The following GRB10 variants were observed in gnomAD, a reference collection of about 807,000 sequenced individuals.
GRB10 encodes the protein growth factor receptor bound protein 10.
In GRB10, 20 loss-of-function variants were observed where a neutral mutation model predicts 80.9. That is an observed-to-expected ratio of 0.25 (90% CI 0.17 to 0.36). The LOEUF (loss-of-function observed/expected upper bound fraction) is 0.36, where lower values mean the gene tolerates loss of function less well. Among genes scored for constraint, GRB10 ranks in the 10% least tolerant of loss-of-function variants. The probability of loss-of-function intolerance (pLI) is 1.00; values close to 1 mark genes in which losing one functional copy is unlikely to be tolerated. For synonymous variants in GRB10, 291 were observed against 291.5 expected, an observed-to-expected ratio of 1.00 and a Z score of 0.02; for missense variants, 548 against 747.7, an observed-to-expected ratio of 0.73 and a Z score of 3.12.
intron 7 of GRB10, among the ~76,000 whole-genome samples, chr7:50,646,161 T>C (rs937776114): frequency 6.6e-6 from 1 of 152,236 alleles, no homozygotes; most frequent in African/African-American, 2.4e-5. Context: ...AAAGTAAGCT[T>C]ATGTGCCATT....
Position 50,718,802 on chromosome 7 carries a change from G to A in GRB10, c.51+13470C>T, listed in dbSNP as rs147389935. Among the ~76,000 whole-genome samples, 1,341 of 152,232 alleles carry A rather than the reference G, an allele frequency of 8.8e-3. 19 individuals carry two copies. Among genetic ancestry groups the A allele is most frequent in the African/African-American group, 0.031 (1,276 of 41,516 alleles). On this transcript the variant is annotated intron_variant, in intron 4 of 18. Transcript: ENST00000401949. ...ATTCACAGCTCTCAGGGTCAAGAGC[G>A]CTTAAGCAGCAAGAGGGGTCCTGCA...
intron 17 of GRB10, among the ~76,000 whole-genome samples, chr7:50,601,121 G>T (rs559467119): frequency 6.6e-6 from 1 of 152,244 alleles, no homozygotes; most frequent in African/African-American, 2.4e-5. Context: ...CGGGAACTGC[G>T]CAGCGCAGTA....
At chr7:50,760,428 A>G (rs1180086917) in intron 2 of GRB10, among the ~76,000 whole-genome samples, 1 of 152,256 alleles carries the variant, frequency 6.6e-6, no homozygotes, top group Non-Finnish European at 1.5e-5. Context: ...CATCATAAGG[A>G]TTAATTCTCT....
At chr7:50,681,986 A>C (rs2061594200) in intron 5 of GRB10, among the ~76,000 whole-genome samples, 1 of 152,210 alleles carries the variant, frequency 6.6e-6, no homozygotes, top group Non-Finnish European at 1.5e-5. Flanking sequence ...TGAGTGTGTC[A>C]GGTGATCCTT....
intron 7 of GRB10, among the ~76,000 whole-genome samples, chr7:50,642,515 C>T (rs959952684): frequency 3.3e-5 from 5 of 152,038 alleles, no homozygotes; most frequent in African/African-American, 1.2e-4. Flanking sequence ...TATACACATA[C>T]ATATAGGTCG....
chr7:50,641,625 A>G lies in GRB10; in HGVS notation c.505-14647T>C, dbSNP rs189518192. On this transcript the variant is annotated intron_variant, in intron 7 of 18. Coordinates refer to ENST00000401949, the MANE Select transcript of GRB10 (RefSeq NM_001350814.2). Reference sequence around the variant, plus strand: ...GGCTGCAGCCACTCATGGTCCCTGCAGCTGTGCAAAGTTGGGAGGGGTGGA... The same window carrying G: ...GGCTGCAGCCACTCATGGTCCCTGCGGCTGTGCAAAGTTGGGAGGGGTGGA... Among the ~76,000 whole-genome samples the G allele has an allele frequency of 3.2e-3, 495 of 152,350 alleles. 1 individual carries two copies. Among genetic ancestry groups the G allele is most frequent in the Admixed American group, 3.5e-3 (53 of 15,306 alleles).
intron 2 of GRB10, among the ~76,000 whole-genome samples, chr7:50,756,721 G>A (rs765169689): frequency 3.9e-5 from 6 of 152,174 alleles, no homozygotes; most frequent in Admixed American, 6.5e-5. Flanking sequence ...AACCCCTACC[G>A]GAGGAGACTT....
At chr7:50,734,383 G>A (rs2070421428) in intron 3 of GRB10, among the ~76,000 whole-genome samples, 1 of 152,156 alleles carries the variant, frequency 6.6e-6, no homozygotes, top group South Asian at 2.1e-4. Flanking sequence ...CTGAGGGCCT[G>A]GGAGAGGAAG....
chr7:50,683,205 G>A (rs1398307258), intron 5 of GRB10, among the ~76,000 whole-genome samples: 3 of 152,202 alleles, frequency 2.0e-5, no homozygotes, highest in African/African-American at 7.2e-5. Context: ...GACATAATAA[G>A]CCAGTCACAA....
In GRB10 at chr7:50,590,831, G is replaced by A. The variant is rs1004531122; in HGVS notation, c.*2121C>T. 6.6e-6 allele frequency: 1 copy of A among 152,190 alleles called. No individual in the cohort carries two copies. Among genetic ancestry groups the A allele is most frequent in the African/African-American group, 2.4e-5 (1 of 41,428 alleles). 9.4% of individuals were successfully genotyped at this position (152,190 alleles called of 1,614,324 possible). On this transcript the variant is annotated 3_prime_UTR_variant, in exon 19 of 19. Transcript: ENST00000401949. ...AAATACAAAAGACTACGTCAAACCA[G>A]CTACATACAAAACTGTGAATCAGAG...
intron 18 of GRB10, 89 bp downstream of exon 18, chr7:50,595,348 G>A (rs754283092): frequency 4.2e-5 from 33 of 789,258 alleles, no homozygotes; most frequent in Non-Finnish European, 6.9e-5. Flanking sequence ...GATACTTACC[G>A]GTCTTGTCGG....
chr7:50,760,190 G>A (rs1299346832), intron 2 of GRB10, among the ~76,000 whole-genome samples: 1 of 152,220 alleles, frequency 6.6e-6, no homozygotes, highest in Admixed American at 6.5e-5. Context: ...GGCCAGCAGA[G>A]CGGTGAGAGG....
intron 17 of GRB10, among the ~76,000 whole-genome samples, chr7:50,596,950 C>A (rs1368848837): frequency 6.6e-6 from 1 of 151,974 alleles, no homozygotes; most frequent in Admixed American, 6.6e-5. Flanking sequence ...GAAGAAAGAT[C>A]CAATGAAAGC....
chr7:50,666,603 A>G (rs548857646), intron 7 of GRB10, among the ~76,000 whole-genome samples: 34 of 152,282 alleles, frequency 2.2e-4, no homozygotes, highest in African/African-American at 8.2e-4. Flanking sequence ...ACCCTGTCCC[A>G]GCACGCGGGC....
At chr7:50,724,653 G>A (rs776790627) in intron 4 of GRB10, among the ~76,000 whole-genome samples, 2 of 152,162 alleles carry the variant, frequency 1.3e-5, no homozygotes, top group Non-Finnish European at 2.9e-5. Flanking sequence ...GGCTAGGCAA[G>A]ACAGGAGAAA....
intron 2 of GRB10, among the ~76,000 whole-genome samples, chr7:50,775,178 A>AAAAAAAAAAAAAAAAAAAAAAAG (rs2077482703): frequency 6.8e-6 from 1 of 147,406 alleles, no homozygotes; most frequent in Non-Finnish European, 1.5e-5. Context: ...AAAAAACAAA[A>AAAAAAAAAAAAAAAAAAAAAAAG]AAAAACAGTG....
intron 2 of GRB10, among the ~76,000 whole-genome samples, chr7:50,779,939 C>A (rs1442889751): frequency 6.6e-6 from 1 of 152,140 alleles, no homozygotes; most frequent in Non-Finnish European, 1.5e-5. Context: ...ACCAGAAATG[C>A]CCCTGGAGAG....
At position 50,720,184 on chromosome 7, in the gene GRB10, T is replaced by C. The variant is rs187072697; in HGVS notation, c.51+12088A>G. On this transcript the variant is annotated intron_variant, in intron 4 of 18. Transcript: ENST00000401949. ...AACTAAATACAAGCTAAATATTTAC[T>C]TTCTTCTTTAAGATCAATGATAGGA... 6.8e-4 allele frequency among the ~76,000 whole-genome samples: 104 copies of C among 152,334 alleles called. 1 individual carries two copies. The highest frequency in any genetic ancestry group is 3.1e-3 in the South Asian group (15 of 4,830).
intron 3 of GRB10, among the ~76,000 whole-genome samples, chr7:50,755,634 G>A (rs374777293): frequency 6.6e-6 from 1 of 152,070 alleles, no homozygotes; most frequent in South Asian, 2.1e-4. Context: ...TGCGCAGCCC[G>A]GCTCTGCTGC....
Sources: gnomAD v4.1 joint callset for allele counts (sites outside exome capture counted in the v4.1 genomes callset) on GRCh38, gnomAD v4.1.1 for gene constraint, MANE v1.5 for transcripts, NCBI Gene and HGNC (gene_info 2026-07-23, HGNC 2026-07-21) for gene names.